The following ZNF329 variants were observed in gnomAD, a reference collection of about 807,000 sequenced individuals.
The protein encoded by ZNF329 is zinc finger protein 329.
In ZNF329, 15 loss-of-function variants were observed where a neutral mutation model predicts 26.6. The observed-to-expected ratio is 0.56, with a 90% CI of 0.38 to 0.87. ZNF329 has a LOEUF of 0.87. Ranked by LOEUF, ZNF329 falls within the 40% of genes least tolerant of loss-of-function variation. ZNF329 has a pLI of 0.00. For missense variants in ZNF329, 651 were observed against 651.9 expected (o/e 1.00, Z 0.02); for synonymous variants, 239 against 233.5 (o/e 1.02, Z -0.21).
rs772410617 is a variant in ZNF329, at chr19:58,128,272, C to T, written c.1232G>A (p.Ser411Asn). The stretch of plus-strand genomic sequence containing the variant: ...CCTCTGATGCCTGATGAGGTACGCA[C>T]TCTCGATGAAAGTCTTGCCACATTC... ...CKECGKTFIE[S>N]AYLIRHQRIH... Residue 411 changes from serine to asparagine, a missense_variant, in exon 4 of 4, where the codon AGT (serine) becomes AAT (asparagine). Coordinates refer to ENST00000598312, the MANE Select transcript of ZNF329 (RefSeq NM_024620.4). 96 of 1,608,886 alleles carry T rather than the reference C, an allele frequency of 6.0e-5. No individual in the cohort carries two copies. Among genetic ancestry groups the T allele is most frequent in the Admixed American group, 1.0e-4 (6 of 59,696 alleles).
chr19:58,144,396 A>ATATATT (rs756544055), intron 1 of ZNF329, among the ~76,000 whole-genome samples: 45 of 127,714 alleles, frequency 3.5e-4, no homozygotes, highest in Non-Finnish European at 6.0e-4. Context: ...ATATATATAT[A>ATATATT]TTTTTTTTTT....
intron 3 of ZNF329, among the ~76,000 whole-genome samples, chr19:58,132,876 G>A (rs545096325): frequency 5.3e-5 from 8 of 151,646 alleles, no homozygotes; most frequent in Admixed American, 2.6e-4. Flanking sequence ...GCAGTGGTGC[G>A]ATCTCAGCTC....
At chr19:58,141,257 A>C (rs2075180281) in intron 3 of ZNF329, among the ~76,000 whole-genome samples, 1 of 151,914 alleles carries the variant, frequency 6.6e-6, no homozygotes, top group Non-Finnish European at 1.5e-5. Context: ...CAGCCTTCCA[A>C]AGTGCTGGGA....
At chr19:58,137,096 G>A (rs1394942977) in intron 3 of ZNF329, 1 of 154,100 alleles carries the variant, frequency 6.5e-6, no homozygotes, top group Non-Finnish European at 1.5e-5. Context: ...TGTAAAAAAT[G>A]GGACTTTTTA....
In ZNF329 at chr19:58,127,966, C is replaced by A. The variant is rs778985541; in HGVS notation, c.1538G>T (p.Cys513Phe). The A allele has an allele frequency of 6.2e-7, 1 of 1,614,012 alleles. No homozygotes were observed. ...RLHSREGPSR[C>F]PQCGKMFQKS... The stretch of plus-strand genomic sequence containing the variant: ...TTGGAACATTTTTCCACACTGAGGA[C>A]ACCGGCTGGGACCCTCCCTGCTATG... The change falls in exon 4 of 4, where the codon TGT (cysteine) becomes TTT (phenylalanine). Residue 513 changes from cysteine (C) to phenylalanine (F), a missense_variant. Transcript: ENST00000598312.
intron 2 of ZNF329, 22 bp from the exon 3 acceptor site, chr19:58,142,683 GTTTAC>G (rs1367257539): frequency 2.0e-5 from 3 of 152,642 alleles, no homozygotes; most frequent in African/African-American, 7.2e-5. Context: ...CCATAATAAT[GTTTAC>G]TTTACTTGTT....
chr19:58,139,808 C>G (rs1415980082), intron 3 of ZNF329, among the ~76,000 whole-genome samples: 1 of 152,124 alleles, frequency 6.6e-6, no homozygotes, highest in Admixed American at 6.6e-5. Context: ...TCGGGAAATG[C>G]TGATCAAAAC....
Position 58,126,391 on chromosome 19 carries a change from T to A in ZNF329, c.*1487A>T, listed in dbSNP as rs923383468. On this transcript the variant is annotated 3_prime_UTR_variant, in exon 4 of 4. Transcript: ENST00000598312. ...CATCCACTTTCAACATACATCCATA[T>A]GTGCACATATTTTTACATGGCTGGA... 6.6e-6 allele frequency: 1 copy of A among 152,214 alleles called. No individual in the cohort carries two copies. Among genetic ancestry groups the A allele is most frequent in the African/African-American group, 2.4e-5 (1 of 41,448 alleles). The allele number at this position is 152,214 out of a possible 1,614,324, so 9.4% of individuals were successfully genotyped here.
At position 58,128,865 on chromosome 19, in the gene ZNF329, T is replaced by C. The variant is rs1386529384; in HGVS notation, c.639A>G (p.Lys213=). 1 of 1,613,082 alleles carries C rather than the reference T, an allele frequency of 6.2e-7. No individual in the cohort carries two copies. Among genetic ancestry groups the C allele is most frequent in the African/African-American group, 1.3e-5 (1 of 74,826 alleles). Residue 213 remains lysine, a synonymous_variant, in exon 4 of 4, where the codon AAA becomes AAG. Coordinates refer to ENST00000598312, the MANE Select transcript of ZNF329 (RefSeq NM_024620.4). The part of the protein sequence containing the change: ...YRCTECGKCF[K]RNSSLVLHHR... ...GATGCAAAACAAGAGAAGAGTTCCG[T>C]TTGAAGCATTTGCCACATTCAGTAC...
At chr19:58,149,327 T>A (rs760052733) in intron 1 of ZNF329, among the ~76,000 whole-genome samples, 5 of 152,158 alleles carry the variant, frequency 3.3e-5, no homozygotes, top group Non-Finnish European at 4.4e-5. Context: ...TTCCTTTACT[T>A]TCTTAATAAG....
intron 3 of ZNF329, among the ~76,000 whole-genome samples, chr19:58,138,533 C>T (rs1265172121): frequency 6.6e-6 from 1 of 152,158 alleles, no homozygotes; most frequent in African/African-American, 2.4e-5. Context: ...ACAAGGACCC[C>T]TCCCGTGGAA....
At chr19:58,136,085 G>A (rs755362616) in intron 3 of ZNF329, among the ~76,000 whole-genome samples, 1 of 151,920 alleles carries the variant, frequency 6.6e-6, no homozygotes, top group Admixed American at 6.6e-5. Flanking sequence ...ACAAAAATTA[G>A]CCAGGCATGG....
chr19:58,151,601 CAAAAAAAAAAA>C (rs555824584), upstream of ZNF329, among the ~76,000 whole-genome samples: 1 of 70,936 alleles, frequency 1.4e-5, no homozygotes. Context: ...GACTTCGTCT[CAAAAAAAAAAA>C]AAAAAAAAAG....
intron 3 of ZNF329, among the ~76,000 whole-genome samples, chr19:58,139,213 C>T (rs2075134310): frequency 1.3e-5 from 2 of 151,944 alleles, no homozygotes; most frequent in African/African-American, 4.8e-5. Context: ...TGAAATAAAA[C>T]TTAAACACCA....
At chr19:58,144,764 T>C (rs2075269169) in intron 1 of ZNF329, among the ~76,000 whole-genome samples, 1 of 150,642 alleles carries the variant, frequency 6.6e-6, no homozygotes, top group East Asian at 1.9e-4. Flanking sequence ...TGCAGTAGTA[T>C]GATCATGGCT....
intron 3 of ZNF329, among the ~76,000 whole-genome samples, chr19:58,142,004 A>G (rs2075201125): frequency 6.6e-6 from 1 of 152,110 alleles, no homozygotes; most frequent in Non-Finnish European, 1.5e-5. Context: ...GTTTGCAGTG[A>G]GCCCTGATCG....
intron 3 of ZNF329, among the ~76,000 whole-genome samples, chr19:58,129,784 T>C (rs540693642): frequency 6.6e-6 from 1 of 152,292 alleles, no homozygotes; most frequent in East Asian, 1.9e-4. Context: ...TAGTTTGAGA[T>C]GTGAGAGACC....
chr19:58,129,989 T>C (rs568369305), intron 3 of ZNF329, among the ~76,000 whole-genome samples: 156 of 152,308 alleles, frequency 1.0e-3, no homozygotes, highest in Non-Finnish European at 1.7e-3. Context: ...AAGCACAGGC[T>C]TGGTGACCTA....
At chr19:58,149,240 T>C (rs1473591158) in intron 1 of ZNF329, among the ~76,000 whole-genome samples, 1 of 152,206 alleles carries the variant, frequency 6.6e-6, no homozygotes. Context: ...GTTTAGCATA[T>C]AATCAAGAAA....
Sources: gnomAD v4.1 joint callset for allele counts (sites outside exome capture counted in the v4.1 genomes callset) on GRCh38, gnomAD v4.1.1 for gene constraint, MANE v1.5 for transcripts, NCBI Gene and HGNC (gene_info 2026-07-23, HGNC 2026-07-21) for gene names.